RMND1: variants seen among roughly 807,000 people sequenced by gnomAD.
The protein encoded by RMND1 is required for meiotic nuclear division 1 homolog.
In RMND1, 41 loss-of-function variants were observed where a neutral mutation model predicts 54.0. The observed-to-expected ratio is 0.76, with a 90% confidence interval of 0.59 to 0.98. The LOEUF is 0.98. Ranked by LOEUF, RMND1 falls within the 50% of genes least tolerant of loss-of-function variation. RMND1 has a pLI of 0.00. For missense variants in RMND1, 457 were observed against 532.0 expected (o/e 0.86, Z 1.39); for synonymous variants, 183 against 181.7 (o/e 1.01, Z -0.06).
intron 10 of RMND1, among the ~76,000 whole-genome samples, chr6:151,412,976 A>G (rs1376078148): frequency 1.3e-5 from 2 of 150,640 alleles, no homozygotes; most frequent in Non-Finnish European, 3.0e-5. Flanking sequence ...GCAGGGATAC[A>G]GATCTAAACC....
intron 5 of RMND1, 38 bp downstream of exon 5, chr6:151,430,100 C>G (rs776048510): frequency 8.5e-6 from 12 of 1,404,812 alleles, no homozygotes; most frequent in Non-Finnish European, 1.2e-5. Context: ...TCTCACAAAA[C>G]TAAATTTTTA....
At chr6:151,414,238 T>C (rs1582944707) in intron 10 of RMND1, among the ~76,000 whole-genome samples, 1 of 152,020 alleles carries the variant, frequency 6.6e-6, no homozygotes, top group Non-Finnish European at 1.5e-5. Context: ...ACCTGGCTAA[T>C]TTTTTTAAAA....
chr6:151,420,414 C>T (rs1415385116), intron 9 of RMND1, among the ~76,000 whole-genome samples: 2 of 152,152 alleles, frequency 1.3e-5, no homozygotes, highest in Admixed American at 6.6e-5. Flanking sequence ...TGAACATTTG[C>T]AGTGAGCTCT....
Position 151,434,318 on chromosome 6 carries a change from C to T in RMND1, c.614-1088G>A, listed in dbSNP as rs551638993. 2.0e-3 allele frequency among the ~76,000 whole-genome samples: 291 copies of T among 147,470 alleles called. 1 individual carries two copies. Among genetic ancestry groups the T allele is most frequent in the Non-Finnish European group, 3.2e-3 (216 of 67,272 alleles). On this transcript the variant is annotated intron_variant, in intron 3 of 11. Transcript: ENST00000444024. Reference sequence around the variant, plus strand: ...ATTTGCAAAAGGTTGTATGTCTTAACGGAATTAACATAAAATTAGGATCCT... The same window carrying T: ...ATTTGCAAAAGGTTGTATGTCTTAATGGAATTAACATAAAATTAGGATCCT...
chr6:151,415,445 A>G (rs1342759038), intron 10 of RMND1, among the ~76,000 whole-genome samples: 1 of 152,176 alleles, frequency 6.6e-6, no homozygotes, highest in African/African-American at 2.4e-5. Context: ...ATTAAAAAGT[A>G]ACATCAAAAT....
chr6:151,422,813 A>C (rs9478203), intron 7 of RMND1, among the ~76,000 whole-genome samples: 23 of 152,122 alleles, frequency 1.5e-4, no homozygotes, highest in Admixed American at 1.3e-4. Context: ...TCCATGCCCT[A>C]TTGGAAGACC....
rs1420193846 is a variant in RMND1 at position 151,427,586 on chromosome 6, GAAGAA to G, written c.730-9_730-5del. ...GAACTTTCATCACATGCTTCATCTAGAAGAAAAGGAAGATTAATCTGAAATCATAA... is the reference window on the plus strand; with the variant it reads ...GAACTTTCATCACATGCTTCATCTAGAAGGAAGATTAATCTGAAATCATAA... On this transcript the variant is annotated splice_polypyrimidine_tract_variant and splice_region_variant and intron_variant, in intron 5 of 11. Coordinates refer to ENST00000444024, the MANE Select transcript of RMND1 (RefSeq NM_017909.4). The G allele has an allele frequency of 5.1e-6, 8 of 1,565,610 alleles. No individual in the cohort carries two copies. Among genetic ancestry groups the G allele is most frequent in the Admixed American group, 1.7e-5 (1 of 59,794 alleles).
Position 151,408,032 on chromosome 6 carries a change from G to C in RMND1, c.1201-2196C>G, listed in dbSNP as rs191303380. On this transcript the variant is annotated intron_variant, in intron 10 of 11. Transcript: ENST00000444024. Reference sequence around the variant, plus strand: ...AAAAAACCAGGAGAGGCTTCACAGAGGTAGGAAATGTGAATTAGGCTTTAA... The same window carrying C: ...AAAAAACCAGGAGAGGCTTCACAGACGTAGGAAATGTGAATTAGGCTTTAA... Among the ~76,000 whole-genome samples, 1,133 of 152,234 alleles carry C rather than the reference G, an allele frequency of 7.4e-3. 5 individuals carry two copies. The highest frequency in any genetic ancestry group is 0.013 in the Non-Finnish European group (889 of 68,026).
At chr6:151,451,661 G>A (rs1378560536) in intron 1 of RMND1, among the ~76,000 whole-genome samples, 1 of 152,026 alleles carries the variant, frequency 6.6e-6, no homozygotes, top group Non-Finnish European at 1.5e-5. Flanking sequence ...TCAGTTCCCG[G>A]GCACATTTCA....
intron 1 of RMND1, among the ~76,000 whole-genome samples, chr6:151,448,819 C>A (rs184880016): frequency 1.3e-5 from 2 of 152,116 alleles, no homozygotes; most frequent in African/African-American, 2.4e-5. Context: ...CCAGGCATGG[C>A]GGCTCACGCC....
chr6:151,449,325 C>T (rs1458689720), intron 1 of RMND1, among the ~76,000 whole-genome samples: 2 of 149,502 alleles, frequency 1.3e-5, no homozygotes, highest in African/African-American at 4.9e-5. Flanking sequence ...GCCGAGATCG[C>T]GCCACTGCAC....
At position 151,404,994 on chromosome 6, in the gene RMND1, G is replaced by A. The variant is rs540267586; in HGVS notation, c.*241C>T. The A allele has an allele frequency of 1.9e-5, 8 of 418,268 alleles. No individual in the cohort carries two copies. The highest frequency in any genetic ancestry group is 3.0e-5 in the Non-Finnish European group (7 of 233,932). The allele number at this position is 418,268 out of a possible 1,614,324, so 25.9% of individuals were successfully genotyped here. On this transcript the variant is annotated 3_prime_UTR_variant, in exon 12 of 12. Coordinates refer to ENST00000444024, the MANE Select transcript of RMND1 (RefSeq NM_017909.4). ...AGAGATTCTCCTGCCTCAGCCTCCT[G>A]AGTAGCTGAGATGACGGGCGTGTGC...
intron 1 of RMND1, among the ~76,000 whole-genome samples, chr6:151,446,813 A>C (rs1233973732): frequency 6.6e-6 from 1 of 151,978 alleles, no homozygotes; most frequent in Non-Finnish European, 1.5e-5. Flanking sequence ...GAGATATAGA[A>C]TCGTTCAAAC....
At chr6:151,410,271 G>A (rs112857019) in intron 10 of RMND1, among the ~76,000 whole-genome samples, 2 of 152,024 alleles carry the variant, frequency 1.3e-5, no homozygotes, top group Admixed American at 6.6e-5. Flanking sequence ...TAGCCAGGAT[G>A]GTCTGGATCT....
intron 10 of RMND1, among the ~76,000 whole-genome samples, chr6:151,412,063 G>A (rs1442758202): frequency 1.3e-5 from 2 of 152,066 alleles, no homozygotes; most frequent in African/African-American, 4.8e-5. Context: ...CATCCAGGCT[G>A]ATCTTGGCTC....
chr6:151,411,277 C>G (rs1562783376), intron 10 of RMND1: 1 of 152,158 alleles, frequency 6.6e-6, no homozygotes, highest in East Asian at 1.9e-4. Context: ...GATTTTAAAT[C>G]TTGGGGATAT....
intron 6 of RMND1, among the ~76,000 whole-genome samples, chr6:151,423,846 GAA>G (rs1304264181): frequency 7.0e-6 from 1 of 142,744 alleles, no homozygotes; most frequent in Non-Finnish European, 1.5e-5. Context: ...TTGTATACAA[GAA>G]AACTTTTTTT....
At chr6:151,414,471 A>G (rs1779942355) in intron 10 of RMND1, among the ~76,000 whole-genome samples, 1 of 152,194 alleles carries the variant, frequency 6.6e-6, no homozygotes, top group Non-Finnish European at 1.5e-5. Flanking sequence ...AGACACTAAT[A>G]TCAAGAGGTA....
chr6:151,443,388 T>G (rs972440986), intron 2 of RMND1, among the ~76,000 whole-genome samples: 4 of 152,178 alleles, frequency 2.6e-5, no homozygotes, highest in African/African-American at 9.7e-5. Context: ...CTCAGCTCAC[T>G]GCAACCTCCA....
Sources: allele counts gnomAD v4.1 joint callset (sites outside exome capture counted in the v4.1 genomes callset), GRCh38; gene constraint gnomAD v4.1.1; transcripts MANE v1.5; gene names NCBI Gene and HGNC (gene_info 2026-07-23, HGNC 2026-07-21).